TANC1: variants seen among roughly 807,000 people sequenced by gnomAD.
TANC1 encodes the protein protein TANC1.
Under a neutral mutation model 149.7 loss-of-function variants are expected in TANC1, and 77 were observed. That is an observed-to-expected ratio of 0.51 (90% CI 0.43 to 0.62). The LOEUF (loss-of-function observed/expected upper bound fraction) is 0.62. TANC1 is among the 20% of genes least tolerant of loss of function. The pLI is 0.00. For synonymous variants in TANC1, 854 were observed against 925.0 expected, an observed-to-expected ratio of 0.92 and a Z score of 1.39; for missense variants, 1,985 against 2,321.8, an observed-to-expected ratio of 0.85 and a Z score of 2.98.
intron 3 of TANC1, among the ~76,000 whole-genome samples, chr2:159,079,786 T>G (rs1056876954): frequency 1.3e-5 from 2 of 152,140 alleles, no homozygotes; most frequent in Non-Finnish European, 2.9e-5. Context: ...ATTTGGGATT[T>G]CAAAACACAA....
intron 4 of TANC1, among the ~76,000 whole-genome samples, chr2:159,109,041 A>G (rs763895832): frequency 4.6e-5 from 7 of 152,220 alleles, no homozygotes; most frequent in Admixed American, 2.0e-4. Flanking sequence ...CACCACCAAC[A>G]AAGTCCTCTT....
chr2:159,140,916 C>G (rs1485328140), intron 5 of TANC1, among the ~76,000 whole-genome samples: 1 of 152,056 alleles, frequency 6.6e-6, no homozygotes, highest in Non-Finnish European at 1.5e-5. Context: ...GTCTCAAACT[C>G]CTGACCTCAG....
chr2:159,200,993 C>A (rs555036985), intron 19 of TANC1, among the ~76,000 whole-genome samples: 1 of 152,298 alleles, frequency 6.6e-6, no homozygotes, highest in South Asian at 2.1e-4. Flanking sequence ...TTTCATCAGG[C>A]AAGAGTTTAC....
At chr2:159,133,998 G>A (rs1025333954) in intron 4 of TANC1, among the ~76,000 whole-genome samples, 1 of 152,082 alleles carries the variant, frequency 6.6e-6, no homozygotes, top group Non-Finnish European at 1.5e-5. Flanking sequence ...AGCATCTCTC[G>A]CCATAAACCA....
intron 2 of TANC1, among the ~76,000 whole-genome samples, chr2:159,036,283 T>C (rs1431694811): frequency 3.3e-5 from 5 of 152,162 alleles, no homozygotes; most frequent in Admixed American, 2.6e-4. Context: ...CAACCTTATG[T>C]AGGAAAAACC....
intron 7 of TANC1, among the ~76,000 whole-genome samples, chr2:159,153,601 A>G (rs1374366209): frequency 6.6e-6 from 1 of 152,164 alleles, no homozygotes; most frequent in Non-Finnish European, 1.5e-5. Context: ...GGTAGGGAGG[A>G]GAAGGAAAAG....
intron 4 of TANC1, among the ~76,000 whole-genome samples, chr2:159,118,710 A>G (rs574168486): frequency 3.3e-5 from 5 of 152,270 alleles, no homozygotes; most frequent in African/African-American, 1.2e-4. Flanking sequence ...TGTAGCCTTG[A>G]TGGTGGAGAA....
At chr2:159,163,190 C>A (rs999107095) in intron 7 of TANC1, 93 bp from the exon 8 acceptor site, 15 of 1,281,062 alleles carry the variant, frequency 1.2e-5, no homozygotes, top group African/African-American at 1.5e-5. Context: ...GGAAAACTTT[C>A]CATTGATCCT....
At chr2:159,169,416 C>A in intron 9 of TANC1, 44 bp downstream of exon 9, 1 of 1,595,360 alleles carries the variant, frequency 6.3e-7, no homozygotes, top group East Asian at 2.2e-5. Context: ...ATGACTAACT[C>A]AGTCAGTAAC....
chr2:159,063,186 A>G (rs965125684), intron 2 of TANC1, among the ~76,000 whole-genome samples: 3 of 152,190 alleles, frequency 2.0e-5, no homozygotes, highest in Admixed American at 2.0e-4. Context: ...CAGAACAAGA[A>G]GTAGTTGTAT....
intron 1 of TANC1, among the ~76,000 whole-genome samples, chr2:158,989,237 G>A (rs751789094): frequency 2.0e-5 from 3 of 152,256 alleles, no homozygotes; most frequent in East Asian, 1.9e-4. Flanking sequence ...TGCTGGGCAA[G>A]GTCGCTCATG....
rs193002225 is a variant in TANC1, at chr2:159,168,248, C to T, written c.947-1002C>T. ...CTTGAGAATTAGCAAAATTATTTTG[C>T]GGTAGTTGTTTTTGTAATCTAACTC... On this transcript the variant is annotated intron_variant, in intron 8 of 26. Coordinates refer to ENST00000263635, the MANE Select transcript of TANC1 (RefSeq NM_033394.3). Among the ~76,000 whole-genome samples, 9 of 150,926 alleles carry T rather than the reference C, an allele frequency of 6.0e-5. No homozygotes were observed. The East Asian group carries it at 1.4e-3, about 23-fold the overall frequency.
chr2:159,037,518 G>A (rs1249609503), intron 2 of TANC1, among the ~76,000 whole-genome samples: 2 of 152,148 alleles, frequency 1.3e-5, no homozygotes, highest in Admixed American at 6.5e-5. Context: ...AATCCATCTT[G>A]AATTAATTTT....
At chr2:158,972,214 G>A (rs1164197630) in intron 1 of TANC1, among the ~76,000 whole-genome samples, 1 of 152,150 alleles carries the variant, frequency 6.6e-6, no homozygotes, top group East Asian at 1.9e-4. Context: ...AACCCAGACA[G>A]CATTCTTAAG....
chr2:159,023,630 T>C (rs2039010423), intron 2 of TANC1, among the ~76,000 whole-genome samples: 1 of 152,090 alleles, frequency 6.6e-6, no homozygotes. Flanking sequence ...GCATGTGCCA[T>C]GGCCCCTGGC....
At chr2:159,162,042 G>A (rs944769198) in intron 7 of TANC1, among the ~76,000 whole-genome samples, 2 of 152,230 alleles carry the variant, frequency 1.3e-5, no homozygotes, top group Admixed American at 6.5e-5. Context: ...AGTCCAGGCT[G>A]CAGCAGCAGG....
At chr2:159,176,297 C>T (rs2055850338) in intron 12 of TANC1, 55 bp from the exon 13 acceptor site, 2 of 1,051,908 alleles carry the variant, frequency 1.9e-6, no homozygotes, top group Admixed American at 5.6e-5. Flanking sequence ...CTGGGTGTTG[C>T]TGTCTTAGAG....
intron 2 of TANC1, among the ~76,000 whole-genome samples, chr2:159,029,703 A>G (rs113502706): frequency 6.6e-6 from 1 of 152,130 alleles, no homozygotes; most frequent in Non-Finnish European, 1.5e-5. Context: ...AGCTAAGACT[A>G]TAGGTGCTTG....
chr2:158,974,433 T>A (rs1036029491), intron 1 of TANC1, among the ~76,000 whole-genome samples: 14 of 152,154 alleles, frequency 9.2e-5, no homozygotes, highest in East Asian at 1.9e-4. Flanking sequence ...ATATATATAT[T>A]TTTTAATTTT....
Sources: allele counts gnomAD v4.1 joint callset (sites outside exome capture counted in the v4.1 genomes callset), GRCh38; gene constraint gnomAD v4.1.1; transcripts MANE v1.5; gene names NCBI Gene and HGNC (gene_info 2026-07-23, HGNC 2026-07-21).